Variants in TMEM114 observed in about 807,000 individuals in gnomAD.
The protein encoded by TMEM114 is claudin-26.
A neutral mutation model predicts 6.2 loss-of-function variants in TMEM114; 6 were observed. The ratio of observed to expected loss-of-function variants is 0.97; its 90% CI spans 0.53 to 1.91. The LOEUF is 1.91. TMEM114 is among the 40% of genes most tolerant of loss of function. TMEM114 has a pLI of 0.01. For missense variants in TMEM114, 218 were observed against 158.3 expected (o/e 1.38, Z -2.02); for synonymous variants, 104 against 73.0 (o/e 1.42, Z -2.16).
intron 2 of TMEM114, among the ~76,000 whole-genome samples, chr16:8,564,274 T>A (rs547542177): frequency 1.5e-4 from 21 of 139,362 alleles, no homozygotes; most frequent in East Asian, 4.1e-4. Context: ...ATGAAATAAG[T>A]GAATGAGTGA....
chr16:8,527,802 C>A, the TMEM114 span, among the ~76,000 whole-genome samples: 1 of 152,172 alleles, frequency 6.6e-6, no homozygotes, highest in Non-Finnish European at 1.5e-5. Flanking sequence ...TGTCTCCCCC[C>A]AATACAGGAT....
chr16:8,531,079 G>C, the TMEM114 span, among the ~76,000 whole-genome samples: 8 of 151,832 alleles, frequency 5.3e-5, no homozygotes, highest in South Asian at 4.1e-4. Flanking sequence ...AGGAAAAAAA[G>C]GGAGGCCCAT....
At chr16:8,575,697 T>C (rs1172536654) in intron 2 of TMEM114, among the ~76,000 whole-genome samples, 1 of 152,230 alleles carries the variant, frequency 6.6e-6, no homozygotes, top group Non-Finnish European at 1.5e-5. Context: ...GAGTATGCAC[T>C]TTACAGGATT....
intron 2 of TMEM114, among the ~76,000 whole-genome samples, chr16:8,542,626 G>C (rs527486774): frequency 1.3e-5 from 2 of 152,132 alleles, no homozygotes; most frequent in Admixed American, 6.6e-5. Flanking sequence ...GGTTTGGGGT[G>C]GGGGAGGCCA....
chr16:8,590,243 C>T lies in TMEM114; in HGVS notation c.-405G>A, dbSNP rs936218169. On this transcript the variant is annotated 5_prime_UTR_variant, in exon 1 of 4. Coordinates refer to ENST00000620492, the MANE Select transcript of TMEM114 (RefSeq NM_001146336.2). ...CTCGGCCCTCCACGCCCAGCCCAAGCGGACTCTCTCACTTCAAAATCCTCA... is the reference window on the plus strand; with the variant it reads ...CTCGGCCCTCCACGCCCAGCCCAAGTGGACTCTCTCACTTCAAAATCCTCA... The T allele has an allele frequency of 3.0e-4, 55 of 183,732 alleles. No individual in the cohort carries two copies. Among genetic ancestry groups the T allele is most frequent in the Non-Finnish European group, 5.3e-4 (47 of 89,234 alleles). 11.4% of individuals were successfully genotyped at this position (183,732 alleles called of 1,614,324 possible).
chr16:8,567,097 T>G (rs1015044891), downstream of TMEM114, among the ~76,000 whole-genome samples: 1 of 150,234 alleles, frequency 6.7e-6, no homozygotes, highest in African/African-American at 2.5e-5. Context: ...TTAGTAGAGA[T>G]GGGGTTTCAC....
intron 2 of TMEM114, among the ~76,000 whole-genome samples, chr16:8,581,855 T>C (rs576197613): frequency 1.1e-4 from 16 of 152,352 alleles, no homozygotes; most frequent in African/African-American, 3.6e-4. Flanking sequence ...CAGGCCCTTG[T>C]GCCCAGAGGA....
At position 8,589,990 on chromosome 16, in the gene TMEM114, C is replaced by T. The variant is rs1273407827; in HGVS notation, c.-152G>A. On this transcript the variant is annotated 5_prime_UTR_variant, in exon 1 of 4. Coordinates refer to ENST00000620492, the MANE Select transcript of TMEM114 (RefSeq NM_001146336.2). The stretch of plus-strand genomic sequence containing the variant: ...ATCTGAAAGCCTTTCCTTTGGACCC[C>T]GGGCCCTAGCTTAGACCCTGGCTCC... 1.3e-5 allele frequency: 5 copies of T among 383,674 alleles called. No individual in the cohort carries two copies. The highest frequency in any genetic ancestry group is 6.3e-5 in the African/African-American group (3 of 47,940). 23.8% of individuals were successfully genotyped at this position (383,674 alleles called of 1,614,324 possible).
intron 2 of TMEM114, among the ~76,000 whole-genome samples, chr16:8,557,521 A>C (rs912461003): frequency 6.6e-6 from 1 of 151,964 alleles, no homozygotes; most frequent in Non-Finnish European, 1.5e-5. Context: ...GCAATTCCCA[A>C]CTCTCAGAGA....
intron 2 of TMEM114, among the ~76,000 whole-genome samples, chr16:8,561,254 C>T (rs1901190012): frequency 6.6e-6 from 1 of 152,222 alleles, no homozygotes; most frequent in African/African-American, 2.4e-5. Context: ...TCTTGGGCAA[C>T]ACTTATTGAG....
intron 2 of TMEM114, among the ~76,000 whole-genome samples, chr16:8,563,969 ATGAG>A (rs1160607730): frequency 2.3e-4 from 30 of 128,156 alleles, no homozygotes; most frequent in Admixed American, 1.8e-3. Context: ...GAATGAGTGA[ATGAG>A]TGAGTGAGGG....
At chr16:8,552,658 C>G (rs1900883737) in intron 2 of TMEM114, among the ~76,000 whole-genome samples, 1 of 151,016 alleles carries the variant, frequency 6.6e-6, no homozygotes, top group Non-Finnish European at 1.5e-5. Flanking sequence ...ACTCTATGTA[C>G]TATTTTTGCC....
chr16:8,590,065 C>T lies in TMEM114; in HGVS notation c.-227G>A. On this transcript the variant is annotated 5_prime_UTR_variant, in exon 1 of 4. In the 5' UTR this introduces an upstream ATG that the reference lacks. Coordinates refer to ENST00000620492, the MANE Select transcript of TMEM114 (RefSeq NM_001146336.2). Reference sequence around the variant, plus strand: ...GCGCCCCCCGCTCAGCCGCCGTCCACGTTCCCACCCCTCCAATGCCAGCTC... The same window carrying T: ...GCGCCCCCCGCTCAGCCGCCGTCCATGTTCCCACCCCTCCAATGCCAGCTC... 2.7e-6 allele frequency: 1 copy of T among 375,064 alleles called. No individual in the cohort carries two copies. 23.2% of individuals were successfully genotyped at this position (375,064 alleles called of 1,614,324 possible).
At chr16:8,586,519 GT>G (rs111838582) in intron 2 of TMEM114, among the ~76,000 whole-genome samples, 9 of 145,364 alleles carry the variant, frequency 6.2e-5, no homozygotes, top group East Asian at 2.0e-4. Flanking sequence ...CTTTTTTTTT[GT>G]TTTTTTTTTG....
chr16:8,564,160 A>T (rs1002049138), intron 2 of TMEM114, among the ~76,000 whole-genome samples: 7 of 151,504 alleles, frequency 4.6e-5, no homozygotes, highest in Non-Finnish European at 1.0e-4. Context: ...TGAGTTAGTG[A>T]ATGAGTGAGT....
At chr16:8,562,153 T>TG (rs1174493467) in intron 2 of TMEM114, among the ~76,000 whole-genome samples, 4 of 150,940 alleles carry the variant, frequency 2.7e-5, no homozygotes, top group African/African-American at 9.8e-5. Context: ...AGTTAGTGAA[T>TG]AAGTGAGTTA....
intron 2 of TMEM114, among the ~76,000 whole-genome samples, chr16:8,542,146 G>GT (rs915187291): frequency 4.0e-5 from 6 of 151,846 alleles, no homozygotes; most frequent in African/African-American, 1.2e-4. Flanking sequence ...GATTCGTGGG[G>GT]GGGGGTCCCT....
At chr16:8,567,145 G>C (rs953622404), downstream of TMEM114, among the ~76,000 whole-genome samples, 2 of 151,646 alleles carry the variant, frequency 1.3e-5, no homozygotes, top group Non-Finnish European at 2.9e-5. Context: ...CTGACCTCAG[G>C]TGACCTGCCT....
At position 8,569,931 on chromosome 16, in the gene TMEM114, A is replaced by G. The variant is rs377766635; in HGVS notation, c.514T>C (p.Leu172=). The G allele has an allele frequency of 3.7e-5, 58 of 1,551,174 alleles. No individual in the cohort carries two copies. In the African/African-American group the frequency reaches 7.0e-4, roughly 19 times the overall value. The change falls in exon 4 of 4, where the codon TTG becomes CTG. Residue 172 remains leucine, a synonymous_variant. Coordinates refer to ENST00000620492, the MANE Select transcript of TMEM114 (RefSeq NM_001146336.2). ...TGGTCCAGGAGGGCCTTCTCCTCCA[A>G]GAGACACAGCGCCTCCCGGAAGGCG... is the stretch of plus-strand genomic sequence containing the variant. ...AAAFREALCL[L]EEKALLDQVD... is the part of the protein sequence containing the mutation.
Sources: allele counts gnomAD v4.1 joint callset (sites outside exome capture counted in the v4.1 genomes callset), GRCh38; gene constraint gnomAD v4.1.1; transcripts MANE v1.5; gene names NCBI Gene and HGNC (gene_info 2026-07-23, HGNC 2026-07-21).